Variants in MDGA1 observed in about 807,000 individuals in gnomAD.
The protein encoded by MDGA1 is MAM domain containing glycosylphosphatidylinositol anchor 1, also known as MAM domain-containing glycosylphosphatidylinositol anchor protein 1.
Under a neutral mutation model 101.5 loss-of-function variants are expected in MDGA1, and 54 were observed. The ratio of observed to expected loss-of-function variants is 0.53; its 90% CI spans 0.43 to 0.67. The LOEUF (loss-of-function observed/expected upper bound fraction) is 0.67, where lower values mean the gene tolerates loss of function less well. Ranked by LOEUF, MDGA1 falls within the 30% of genes least tolerant of loss-of-function variation. The pLI, the probability that MDGA1 is intolerant of heterozygous loss-of-function variation, is 0.00. For synonymous variants in MDGA1, 533 were observed against 558.3 expected (o/e 0.95, Z 0.64); for missense variants, 1,083 against 1,323.8 (o/e 0.82, Z 2.82).
intron 1 of MDGA1, among the ~76,000 whole-genome samples, chr6:37,680,811 C>A (rs1258203970): frequency 6.6e-6 from 1 of 152,386 alleles, no homozygotes; most frequent in East Asian, 1.9e-4. Flanking sequence ...AGATCTGGCA[C>A]GGGCGCAGCG....
rs913276994 is a variant in MDGA1 at position 37,696,233 on chromosome 6, T to C, written c.67+512A>G. Reference sequence around the variant, plus strand: ...CCAGGGCCAGGGGATGCCGGCATCCTGATCAGGGTGTCAAGCCCTGAGTAG... The same window carrying C: ...CCAGGGCCAGGGGATGCCGGCATCCCGATCAGGGTGTCAAGCCCTGAGTAG... On this transcript the variant is annotated intron_variant, in intron 1 of 16. Coordinates refer to ENST00000434837, the MANE Select transcript of MDGA1 (RefSeq NM_153487.4). This position sits in a 1 kb window ranked among gnomAD's most constrained non-coding sequence, Gnocchi z 5.6. Among the ~76,000 whole-genome samples, 13 of 152,080 alleles carry C rather than the reference T, an allele frequency of 8.5e-5. No homozygotes were observed. Among genetic ancestry groups the C allele is most frequent in the African/African-American group, 3.1e-4 (13 of 41,404 alleles).
At position 37,681,330 on chromosome 6, in the gene MDGA1, C is replaced by G. The variant is rs139234988; in HGVS notation, c.67+15415G>C. On this transcript the variant is annotated intron_variant, in intron 1 of 16. Coordinates refer to ENST00000434837, the MANE Select transcript of MDGA1 (RefSeq NM_153487.4). ...CAGCCTCGGCCTGCCCCTGCCCCCCCTCTTCAGGTCTCCTAGGAAGGGTGG... is the reference window on the plus strand; with the variant it reads ...CAGCCTCGGCCTGCCCCTGCCCCCCGTCTTCAGGTCTCCTAGGAAGGGTGG... Among the ~76,000 whole-genome samples the G allele has an allele frequency of 1.6e-4, 25 of 152,288 alleles. No individual in the cohort carries two copies. In the East Asian group the frequency reaches 2.7e-3, roughly 16 times the overall value.
chr6:37,686,546 C>T (rs151330865), intron 1 of MDGA1, among the ~76,000 whole-genome samples: 228 of 151,978 alleles, frequency 1.5e-3, no homozygotes, highest in African/African-American at 5.2e-3. Context: ...CCTGCCTCAG[C>T]CTCCCGAGTA....
intron 2 of MDGA1, among the ~76,000 whole-genome samples, chr6:37,659,772 C>T (rs1298625765): frequency 6.6e-6 from 1 of 152,152 alleles, no homozygotes; most frequent in African/African-American, 2.4e-5. Context: ...GCATTTGACT[C>T]TACCCTCATG....
At chr6:37,664,227 A>T in intron 1 of MDGA1, 121 bp from the exon 2 acceptor site, 1 of 1,304,738 alleles carries the variant, frequency 7.7e-7, no homozygotes, top group Admixed American at 1.8e-5. Context: ...GCCATTCCTC[A>T]GAGGCCTGAC....
Position 37,655,203 on chromosome 6 carries a change from A to T in MDGA1, c.580-271T>A, listed in dbSNP as rs1177601535. On this transcript the variant is annotated intron_variant, in intron 4 of 16. Transcript: ENST00000434837. The surrounding 1 kb of genome is among the most constrained non-coding windows in gnomAD (Gnocchi z 5.1). ...GCAAGTACCAGGCCTTGGTTTCTCC[A>T]GTCTGGGAAACGGAGGGGTAAGAAG... is the stretch of plus-strand genomic sequence containing the variant. 2.0e-6 allele frequency: 1 copy of T among 512,262 alleles called. No individual in the cohort carries two copies. The allele number at this position is 512,262 out of a possible 1,614,324, so 31.7% of individuals were successfully genotyped here. A position where few individuals can be genotyped will look rare whatever the true frequency, so the allele number is the denominator to read the frequency against.
intron 1 of MDGA1, among the ~76,000 whole-genome samples, chr6:37,671,115 G>A (rs894099976): frequency 8.5e-4 from 129 of 152,278 alleles, no homozygotes; most frequent in Admixed American, 2.0e-4. Flanking sequence ...CATGGAAAAG[G>A]AAAACAGCCT....
Position 37,635,356 on chromosome 6 carries a change from G to A in MDGA1, c.*2012C>T, listed in dbSNP as rs1763902460. ...GGGGGACTTGGAAGGCTCAGAGGAG[G>A]AGCTCACAGTCTAGTTGGGGCAATG... On this transcript the variant is annotated 3_prime_UTR_variant, in exon 17 of 17. Transcript: ENST00000434837. The A allele has an allele frequency of 2.5e-6, 1 of 397,968 alleles. No homozygotes were observed. Among genetic ancestry groups the A allele is most frequent in the East Asian group, 3.6e-5 (1 of 28,080 alleles). 24.7% of individuals were successfully genotyped at this position (397,968 alleles called of 1,614,324 possible). A position where few individuals can be genotyped will look rare whatever the true frequency, so the allele number is the denominator to read the frequency against.
intron 7 of MDGA1, 118 bp downstream of exon 7, chr6:37,651,893 C>G (rs1761370950): frequency 8.7e-6 from 7 of 801,306 alleles, no homozygotes; most frequent in East Asian, 2.7e-5. Context: ...GTGGCATGAA[C>G]AAGTGGTGGC....
At chr6:37,637,951 G>A (rs565729340) in intron 16 of MDGA1, 1 of 570,080 alleles carries the variant, frequency 1.8e-6, no homozygotes, top group Non-Finnish European at 3.1e-6. Flanking sequence ...ACAGGCACAG[G>A]AGGCGCTCTG....
At chr6:37,685,733 G>A (rs1170337926) in intron 1 of MDGA1, among the ~76,000 whole-genome samples, 2 of 152,036 alleles carry the variant, frequency 1.3e-5, no homozygotes, top group Non-Finnish European at 2.9e-5. Flanking sequence ...GCTGGCAGAC[G>A]GGAAGCTGGT....
chr6:37,646,059 G>T, intron 11 of MDGA1, 103 bp from the exon 12 acceptor site: 1 of 1,582,712 alleles, frequency 6.3e-7, no homozygotes, highest in Non-Finnish European at 8.6e-7. Flanking sequence ...GCCAGGACTG[G>T]GGGCCAGCGG....
At chr6:37,690,055 C>A (rs1762277186) in intron 1 of MDGA1, among the ~76,000 whole-genome samples, 1 of 152,232 alleles carries the variant, frequency 6.6e-6, no homozygotes, top group African/African-American at 2.4e-5. Flanking sequence ...CCTACTAACT[C>A]TCTGGCCCCA....
chr6:37,632,615 G>A lies in MDGA1; in HGVS notation c.*4753C>T, dbSNP rs1238221512. On this transcript the variant is annotated 3_prime_UTR_variant, in exon 17 of 17. Coordinates refer to ENST00000434837, the MANE Select transcript of MDGA1 (RefSeq NM_153487.4). The stretch of plus-strand genomic sequence containing the variant: ...GAAAGAGAGGCAAATGGGGAACAGA[G>A]GCTGGGGTGGAGACAGACAGCAAGG... The A allele has an allele frequency of 1.3e-5, 2 of 152,778 alleles. No homozygotes were observed. The highest frequency in any genetic ancestry group is 2.1e-4 in the South Asian group (1 of 4,838). 9.5% of individuals were successfully genotyped at this position (152,778 alleles called of 1,614,324 possible).
At chr6:37,660,344 CTT>C (rs1761593946) in intron 2 of MDGA1, among the ~76,000 whole-genome samples, 1 of 152,264 alleles carries the variant, frequency 6.6e-6, no homozygotes, top group African/African-American at 2.4e-5. Flanking sequence ...TGCCTCCTCT[CTT>C]TTTCTATTCA....
chr6:37,672,118 G>A (rs1448887307), intron 1 of MDGA1, among the ~76,000 whole-genome samples: 1 of 151,612 alleles, frequency 6.6e-6, no homozygotes, highest in Non-Finnish European at 1.5e-5. Context: ...TCCAACCTGG[G>A]TGACAGAGTG....
chr6:37,646,477 C>T, intron 10 of MDGA1, 102 bp from the exon 11 acceptor site: 4 of 977,434 alleles, frequency 4.1e-6, no homozygotes, highest in Non-Finnish European at 5.6e-6. Flanking sequence ...CCTCCCAGGG[C>T]TGTCTTCATA....
At chr6:37,643,995 T>C (rs998300700) in intron 13 of MDGA1, 52 bp from the exon 14 acceptor site, 4 of 1,601,966 alleles carry the variant, frequency 2.5e-6, no homozygotes, top group Non-Finnish European at 3.4e-6. Context: ...CCAGGCCTCT[T>C]CCTACCTGAT....
intron 3 of MDGA1, among the ~76,000 whole-genome samples, chr6:37,656,241 C>A (rs1197102209): frequency 6.6e-6 from 1 of 151,852 alleles, no homozygotes; most frequent in Non-Finnish European, 1.5e-5. Context: ...CCATGCCCAG[C>A]TAATTTTTGT....
Sources: gnomAD v4.1 joint callset for allele counts (sites outside exome capture counted in the v4.1 genomes callset) on GRCh38, gnomAD v4.1.1 for gene constraint, Gnocchi (gnomAD v3.1) non-coding constraint, MANE v1.5 for transcripts, NCBI Gene and HGNC (gene_info 2026-07-23, HGNC 2026-07-21) for gene names.